STON1: variants seen among roughly 807,000 people sequenced by gnomAD.
STON1 encodes the protein stonin-1.
A neutral mutation model predicts 60.9 loss-of-function variants in STON1; 79 were observed. The ratio of observed to expected loss-of-function variants is 1.30; its 90% CI spans 1.08 to 1.56. STON1 has a LOEUF of 1.56. Ranked by LOEUF, STON1 falls within the 40% of genes most tolerant of loss-of-function variation. STON1 has a pLI of 0.00. For synonymous variants in STON1, 363 were observed against 306.9 expected, an observed-to-expected ratio of 1.18 and a Z score of -1.91; for missense variants, 1,166 against 858.9, an observed-to-expected ratio of 1.36 and a Z score of -4.47.
chr2:48,572,341 C>A lies in STON1; in HGVS notation c.-47-8246C>A, dbSNP rs143418446. Among the ~76,000 whole-genome samples the A allele has an allele frequency of 2.0e-3, 303 of 152,236 alleles. 1 individual carries two copies. Among genetic ancestry groups the A allele is most frequent in the Middle Eastern group, 6.8e-3 (2 of 294 alleles). ...TTCCTATTGGGCACCATATGAAGTT[C>A]TATTTGGTTGAATAAACTCACATCA... On this transcript the variant is annotated intron_variant, in intron 1 of 3. Transcript: ENST00000404752.
intron 1 of STON1, among the ~76,000 whole-genome samples, chr2:48,574,920 C>T (rs200582309): frequency 8.5e-5 from 13 of 152,308 alleles, no homozygotes; most frequent in African/African-American, 2.4e-4. Flanking sequence ...CTGTTAAAAA[C>T]GGTGTTATGA....
At chr2:48,573,208 A>G (rs750828044) in intron 1 of STON1, among the ~76,000 whole-genome samples, 9 of 152,154 alleles carry the variant, frequency 5.9e-5, no homozygotes, top group Non-Finnish European at 1.0e-4. Flanking sequence ...GATCTCAGGG[A>G]CTTTCATTTT....
intron 1 of STON1, among the ~76,000 whole-genome samples, chr2:48,551,935 C>A (rs1234408315): frequency 6.6e-6 from 1 of 152,208 alleles, no homozygotes; most frequent in East Asian, 1.9e-4. Flanking sequence ...TGGTCAGTCA[C>A]CAACTTCACC....
intron 2 of STON1, among the ~76,000 whole-genome samples, chr2:48,583,289 A>G (rs1439710632): frequency 6.6e-6 from 1 of 152,044 alleles, no homozygotes; most frequent in Non-Finnish European, 1.5e-5. Context: ...GGGTCTCCCT[A>G]TGTTGCCCAG....
intron 1 of STON1, among the ~76,000 whole-genome samples, chr2:48,549,016 G>A (rs778932772): frequency 5.3e-5 from 8 of 152,100 alleles, no homozygotes; most frequent in Non-Finnish European, 8.8e-5. Context: ...CAATGAGCCC[G>A]GAACCCACAT....
rs189715750 is a variant in STON1 at position 48,595,353 on chromosome 2, C to G, written c.*51C>G. ...CCCACTTGTCAAATATGTAATTCAC[C>G]GAAACCACACCAAGTCCTGCTACTG... On this transcript the variant is annotated 3_prime_UTR_variant, in exon 4 of 4. Transcript: ENST00000404752. The G allele has an allele frequency of 6.7e-7, 1 of 1,490,584 alleles. No individual in the cohort carries two copies. Among genetic ancestry groups the G allele is most frequent in the South Asian group, 1.1e-5 (1 of 87,408 alleles). The allele number at this position is 1,490,584 out of a possible 1,614,324, so 92.3% of individuals were successfully genotyped here.
chr2:48,558,957 A>G (rs1183204714), intron 1 of STON1, among the ~76,000 whole-genome samples: 1 of 152,186 alleles, frequency 6.6e-6, no homozygotes, highest in East Asian at 1.9e-4. Flanking sequence ...GAAAGTTAGG[A>G]CCTTTTCGAA....
intron 1 of STON1, among the ~76,000 whole-genome samples, chr2:48,533,913 G>A (rs1400404959): frequency 6.6e-6 from 1 of 151,806 alleles, no homozygotes; most frequent in African/African-American, 2.4e-5. Context: ...GGGATTACAG[G>A]CATGTGCCAC....
At chr2:48,545,416 C>T (rs1039800130) in intron 1 of STON1, among the ~76,000 whole-genome samples, 1 of 152,306 alleles carries the variant, frequency 6.6e-6, no homozygotes, top group East Asian at 1.9e-4. Flanking sequence ...TGCAACCACA[C>T]GGGCGCGCAC....
intron 2 of STON1, among the ~76,000 whole-genome samples, chr2:48,585,080 C>T (rs1025960281): frequency 6.6e-6 from 1 of 152,114 alleles, no homozygotes; most frequent in Non-Finnish European, 1.5e-5. Context: ...GTTCAGTTCC[C>T]CCATACTAGC....
chr2:48,548,230 G>C (rs1303396594), intron 1 of STON1, among the ~76,000 whole-genome samples: 3 of 152,170 alleles, frequency 2.0e-5, no homozygotes, highest in African/African-American at 7.2e-5. Flanking sequence ...TTCTCGCTCT[G>C]ACCTGAGCTG....
chr2:48,576,122 C>T (rs1022430065), intron 1 of STON1, among the ~76,000 whole-genome samples: 9 of 151,312 alleles, frequency 5.9e-5, no homozygotes, highest in Non-Finnish European at 1.0e-4. Flanking sequence ...CTTTACATTG[C>T]CAGCAACAAT....
chr2:48,566,058 C>G (rs1489262944), intron 1 of STON1, among the ~76,000 whole-genome samples: 1 of 152,198 alleles, frequency 6.6e-6, no homozygotes, highest in Non-Finnish European at 1.5e-5. Context: ...ATAAACACAG[C>G]TGGACATTAG....
Position 48,581,043 on chromosome 2 carries a change from C to T in STON1, c.410C>T (p.Pro137Leu). ...ACATGTTTATCCCATGCCTTGTTAC[C>T]CAGTGACCACTCATGTACACATCCA... ...RPTCLSHALLPSDHSCTHPTP... is the reference protein window; with the variant it reads ...RPTCLSHALLLSDHSCTHPTP... Residue 137 changes from proline to leucine, a missense_variant, in exon 2 of 4, where the codon CCC (proline) becomes CTC (leucine). Physicochemically the swap from Pro to Leu is moderately conservative, Grantham distance 98 (BLOSUM62 -3). Transcript: ENST00000404752. 6.3e-7 allele frequency: 1 copy of T among 1,579,512 alleles called. No homozygotes were observed. Among genetic ancestry groups the T allele is most frequent in the Non-Finnish European group, 8.6e-7 (1 of 1,166,370 alleles).
At chr2:48,561,265 A>G (rs373701063) in intron 1 of STON1, among the ~76,000 whole-genome samples, 3 of 152,184 alleles carry the variant, frequency 2.0e-5, no homozygotes, top group Admixed American at 1.3e-4. Context: ...CCACTAGTCC[A>G]AGGGCCAGAT....
At position 48,564,540 on chromosome 2, in the gene STON1, CTTCTTCTTCTTCTTCTT is replaced by C. The variant is rs1672818951; in HGVS notation, c.-47-16046_-47-16030del. On this transcript the variant is annotated intron_variant, in intron 1 of 3. Transcript: ENST00000404752. Reference sequence around the variant, plus strand: ...TCTTCTTCTTCTTCTTCTTCTTCTTCTTCTTCTTCTTCTTCTTCTTCTTCTTCTCCTTCTCCTTCTCC... The same window carrying C: ...TCTTCTTCTTCTTCTTCTTCTTCTTCCTTCTTCTTCTCCTTCTCCTTCTCC... Among the ~76,000 whole-genome samples, 19 of 47,594 alleles carry C rather than the reference CTTCTTCTTCTTCTTCTT, an allele frequency of 4.0e-4. 1 individual carries two copies. The highest frequency in any genetic ancestry group is 1.4e-3 in the Admixed American group (6 of 4,382). The allele number at this position is 47,594 out of a possible 152,430, so 31.2% of individuals were successfully genotyped here. A position where few individuals can be genotyped will look rare whatever the true frequency, so the allele number is the denominator to read the frequency against.
At chr2:48,554,300 C>T (rs1018733992) in intron 1 of STON1, among the ~76,000 whole-genome samples, 3 of 152,198 alleles carry the variant, frequency 2.0e-5, no homozygotes. Context: ...CGGCTCACTG[C>T]AACCTCCACC....
At position 48,582,510 on chromosome 2, in the gene STON1, G is replaced by A. The variant is rs1673953024; in HGVS notation, c.1877G>A (p.Ser626Asn). ...ACTGTGGGGTCAGCAAAATATGAGA[G>A]TGCCTACCAGGCAGTGGTATGGAAG... ...QVTVGSAKYE[S>N]AYQAVVWKID... is the part of the protein sequence containing the mutation. The change falls in exon 2 of 4, where the codon AGT (serine) becomes AAT (asparagine). Residue 626 changes from serine to asparagine, a missense_variant. By Grantham distance (46) the Ser-to-Asn change is conservative. Transcript: ENST00000404752. The A allele has an allele frequency of 6.2e-7, 1 of 1,614,158 alleles. No individual in the cohort carries two copies. The highest frequency in any genetic ancestry group is 8.5e-7 in the Non-Finnish European group (1 of 1,180,006).
chr2:48,576,855 C>A (rs1418760049), intron 1 of STON1, among the ~76,000 whole-genome samples: 1 of 150,698 alleles, frequency 6.6e-6, no homozygotes, highest in Admixed American at 6.6e-5. Flanking sequence ...GAGATTGAGA[C>A]CATCCTGGCT....
Sources: gnomAD v4.1 joint callset for allele counts (sites outside exome capture counted in the v4.1 genomes callset) on GRCh38, gnomAD v4.1.1 for gene constraint, MANE v1.5 for transcripts, NCBI Gene and HGNC (gene_info 2026-07-23, HGNC 2026-07-21) for gene names.